Variants in ACER2 observed in about 807,000 individuals in gnomAD.
ACER2 encodes the protein alkaline ceramidase 2.
ACER2 carries 26 observed loss-of-function variants against 34.7 expected under a neutral mutation model. That is an observed-to-expected ratio of 0.75 (90% CI 0.55 to 1.04). The LOEUF (loss-of-function observed/expected upper bound fraction) is 1.04. ACER2 is among the 50% of genes least tolerant of loss of function. The pLI, the probability that ACER2 is intolerant of heterozygous loss-of-function variation, is 0.00. For missense variants in ACER2, 352 were observed against 340.8 expected, an observed-to-expected ratio of 1.03 and a Z score of -0.26; for synonymous variants, 138 against 132.1, an observed-to-expected ratio of 1.04 and a Z score of -0.31.
intron 5 of ACER2, among the ~76,000 whole-genome samples, chr9:19,449,964 A>G (rs894642961): frequency 6.6e-6 from 1 of 152,214 alleles, no homozygotes; most frequent in East Asian, 1.9e-4. Flanking sequence ...ATATAAATTT[A>G]AAACTTTGTA....
rs116065626 is a variant in ACER2, at chr9:19,427,590, G to A, written c.365+2749G>A. 3.9e-3 allele frequency among the ~76,000 whole-genome samples: 596 copies of A among 151,762 alleles called. 4 individuals carry two copies. The highest frequency in any genetic ancestry group is 0.014 in the African/African-American group (575 of 41,182). On this transcript the variant is annotated intron_variant, in intron 3 of 5. Transcript: ENST00000340967. ...TGCCTGAACTTACCAAATAGTAAAC[G>A]TTTATCTCCTTTTCTTTCTTTCTCC... is the stretch of plus-strand genomic sequence containing the variant.
rs976894759 is a variant in ACER2 at position 19,422,344 on chromosome 9, T to C, written c.109-1518T>C. ...CTATCTCATTAATGATATTTAATAGTGATTACATGTTCAAATGACAATATT... is the reference window on the plus strand; with the variant it reads ...CTATCTCATTAATGATATTTAATAGCGATTACATGTTCAAATGACAATATT... On this transcript the variant is annotated intron_variant, in intron 1 of 5. Coordinates refer to ENST00000340967, the MANE Select transcript of ACER2 (RefSeq NM_001010887.3). Among the ~76,000 whole-genome samples the C allele has an allele frequency of 3.3e-5, 5 of 151,982 alleles. No homozygotes were observed. In the East Asian group the frequency reaches 9.6e-4, roughly 29 times the overall value.
intron 4 of ACER2, among the ~76,000 whole-genome samples, chr9:19,441,661 T>G (rs1414212337): frequency 1.3e-5 from 2 of 152,164 alleles, no homozygotes; most frequent in Non-Finnish European, 1.5e-5. Flanking sequence ...CCATCCTGAT[T>G]GTAATTATAT....
intron 2 of ACER2, 101 bp from the exon 3 acceptor site, chr9:19,424,599 T>C: frequency 6.5e-6 from 10 of 1,530,844 alleles, no homozygotes; most frequent in Non-Finnish European, 8.7e-6. Flanking sequence ...AGTGATCTGG[T>C]GACTGTGTTA....
At chr9:19,440,178 G>A (rs911564420) in intron 4 of ACER2, among the ~76,000 whole-genome samples, 32 of 152,126 alleles carry the variant, frequency 2.1e-4, no homozygotes, top group Non-Finnish European at 2.6e-4. Context: ...TGCTTGAAAT[G>A]TTCTTTGCCA....
chr9:19,440,742 C>T (rs1831128083), intron 4 of ACER2, among the ~76,000 whole-genome samples: 1 of 152,216 alleles, frequency 6.6e-6, no homozygotes, highest in Admixed American at 6.5e-5. Flanking sequence ...ACTTCTGTGG[C>T]TTTAATTCCT....
chr9:19,426,659 C>CT (rs1401361160), intron 3 of ACER2, among the ~76,000 whole-genome samples: 6 of 151,698 alleles, frequency 4.0e-5, no homozygotes, highest in African/African-American at 7.3e-5. Flanking sequence ...TATAGAAAAC[C>CT]TTTTTTTTCT....
chr9:19,435,591 C>G (rs1407557490), intron 4 of ACER2, among the ~76,000 whole-genome samples: 1 of 152,098 alleles, frequency 6.6e-6, no homozygotes, highest in Non-Finnish European at 1.5e-5. Context: ...CTTGTGTACT[C>G]AAATGCAAAA....
intron 4 of ACER2, among the ~76,000 whole-genome samples, chr9:19,436,623 C>T (rs1175524946): frequency 2.0e-5 from 3 of 152,082 alleles, no homozygotes. Flanking sequence ...GACTTTCTCA[C>T]TTAGGAATGT....
At chr9:19,430,612 C>T (rs2132493654) in intron 3 of ACER2, among the ~76,000 whole-genome samples, 1 of 152,252 alleles carries the variant, frequency 6.6e-6, no homozygotes, top group East Asian at 1.9e-4. Context: ...CATTCCTGTA[C>T]ACCTTCTGGA....
chr9:19,409,064 C>T lies in ACER2; in HGVS notation c.-21C>T. ...CTCTTCTCAGCTGCGCGAGCAGCTG[C>T]TCCAATGCCCCGGAGTGGCCATGGG... On this transcript the variant is annotated 5_prime_UTR_variant, in exon 1 of 6. Coordinates refer to ENST00000340967, the MANE Select transcript of ACER2 (RefSeq NM_001010887.3). 1 of 1,557,596 alleles carries T rather than the reference C, an allele frequency of 6.4e-7. No homozygotes were observed. The highest frequency in any genetic ancestry group is 8.7e-7 in the Non-Finnish European group (1 of 1,151,660).
intron 4 of ACER2, among the ~76,000 whole-genome samples, chr9:19,435,300 A>C (rs1169522687): frequency 6.6e-6 from 1 of 152,214 alleles, no homozygotes; most frequent in Non-Finnish European, 1.5e-5. Context: ...GATGCAGTGC[A>C]TCCCACTGAT....
At chr9:19,434,797 G>A (rs1033328177) in intron 3 of ACER2, 150 bp from the exon 4 acceptor site, 10 of 943,626 alleles carry the variant, frequency 1.1e-5, no homozygotes, top group Non-Finnish European at 1.6e-5. Flanking sequence ...TCGCTCTGTC[G>A]CCGTGAGTGG....
At chr9:19,409,341 G>A (rs1456437765) in intron 1 of ACER2, 149 bp downstream of exon 1, 4 of 707,942 alleles carry the variant, frequency 5.7e-6, no homozygotes, top group Non-Finnish European at 9.3e-6. Context: ...CCTCCTCGGC[G>A]CGCTCCTTTC....
chr9:19,444,378 A>G (rs1563891475), intron 4 of ACER2, among the ~76,000 whole-genome samples: 1 of 151,590 alleles, frequency 6.6e-6, no homozygotes, highest in African/African-American at 2.4e-5. Context: ...CGCCCGACTA[A>G]TTTTTTTGTA....
chr9:19,433,572 C>G (rs1456957972), intron 3 of ACER2, among the ~76,000 whole-genome samples: 3 of 152,256 alleles, frequency 2.0e-5, no homozygotes, highest in Non-Finnish European at 4.4e-5. Flanking sequence ...ACAGACACGG[C>G]AACCATCCGA....
At chr9:19,438,543 A>G (rs1293494118) in intron 4 of ACER2, among the ~76,000 whole-genome samples, 1 of 152,202 alleles carries the variant, frequency 6.6e-6, no homozygotes, top group African/African-American at 2.4e-5. Flanking sequence ...ACACATCTTA[A>G]AGCTCTTTGG....
intron 5 of ACER2, chr9:19,446,623 G>A: frequency 1.0e-6 from 1 of 985,432 alleles, no homozygotes; most frequent in Non-Finnish European, 1.2e-6. Flanking sequence ...GGCTTAGCCG[G>A]AACGAAAGGC....
chr9:19,420,230 C>T (rs80157576), intron 1 of ACER2, among the ~76,000 whole-genome samples: 4,351 of 152,256 alleles, frequency 0.029, 205 homozygotes, highest in African/African-American at 0.099. Context: ...CATGAGTAAC[C>T]GCTCTTTTCT....
Sources: allele counts gnomAD v4.1 joint callset (sites outside exome capture counted in the v4.1 genomes callset), GRCh38; gene constraint gnomAD v4.1.1; transcripts MANE v1.5; gene names NCBI Gene and HGNC (gene_info 2026-07-23, HGNC 2026-07-21).